Variants in EFHD1 observed in about 807,000 individuals in gnomAD.
The protein encoded by EFHD1 is EF-hand domain family member D1.
A neutral mutation model predicts 17.2 loss-of-function variants in EFHD1; 10 were observed. The ratio of observed to expected loss-of-function variants is 0.58; its 90% CI spans 0.36 to 0.99. The LOEUF is 0.99. Among genes scored for constraint, EFHD1 ranks in the 50% least tolerant of loss-of-function variants. EFHD1 has a pLI of 0.01. For synonymous variants in EFHD1, 153 were observed against 142.0 expected (o/e 1.08, Z -0.55); for missense variants, 310 against 327.5 (o/e 0.95, Z 0.41).
At chr2:232,663,336 G>A in intron 2 of EFHD1, among the ~76,000 whole-genome samples, 1 of 151,786 alleles carries the variant, frequency 6.6e-6, no homozygotes, top group East Asian at 1.9e-4. Context: ...CATAATAGTT[G>A]TACATATTTA....
chr2:232,638,546 C>T (rs143182852), intron 1 of EFHD1: 1 of 449,458 alleles, frequency 2.2e-6, no homozygotes, highest in East Asian at 7.0e-5. Flanking sequence ...TCTTTTTCTC[C>T]TCCTTAGTCT....
chr2:232,622,478 C>T (rs545903844), intron 1 of EFHD1, among the ~76,000 whole-genome samples: 2 of 50,818 alleles, frequency 3.9e-5, no homozygotes. Context: ...TCGCTGGGGG[C>T]GGGGGTGGGG....
rs779727956 is a variant in EFHD1 at position 232,633,913 on chromosome 2, C to G, written c.209C>G (p.Ala70Gly). The change falls in exon 1 of 4, where the codon GCG becomes GGG. Residue 70 changes from alanine to glycine, a missense_variant. Transcript: ENST00000264059. ...SRRLDINEGA[A>G]RPRRCRVFNP... is the part of the protein sequence containing the mutation. Reference sequence around the variant, plus strand: ...CGGCTGGACATCAACGAGGGCGCTGCGCGGCCCCGGCGCTGCAGGGTCTTC... The same window carrying G: ...CGGCTGGACATCAACGAGGGCGCTGGGCGGCCCCGGCGCTGCAGGGTCTTC... 1.1e-5 allele frequency: 17 copies of G among 1,584,340 alleles called. No individual in the cohort carries two copies. In the South Asian group the frequency reaches 1.8e-4, roughly 17 times the overall value.
At chr2:232,635,138 A>G (rs184896606) in intron 1 of EFHD1, among the ~76,000 whole-genome samples, 1 of 152,102 alleles carries the variant, frequency 6.6e-6, no homozygotes, top group Admixed American at 6.5e-5. Flanking sequence ...TTCTGGGTCT[A>G]GTTTGGGCAG....
At chr2:232,634,951 G>A (rs1694290101) in intron 1 of EFHD1, among the ~76,000 whole-genome samples, 1 of 152,162 alleles carries the variant, frequency 6.6e-6, no homozygotes, top group Non-Finnish European at 1.5e-5. Context: ...CATGGAATGT[G>A]TTTGCCCTCC....
chr2:232,627,035 T>TCTCTCTCTCC (rs1197995800), intron 1 of EFHD1, among the ~76,000 whole-genome samples: 3 of 61,676 alleles, frequency 4.9e-5, no homozygotes, highest in Admixed American at 1.8e-4. Flanking sequence ...TCTCTCTCTC[T>TCTCTCTCTCC]CTATATATAT....
intron 3 of EFHD1, among the ~76,000 whole-genome samples, chr2:232,674,625 A>G (rs1258176023): frequency 6.6e-6 from 1 of 152,204 alleles, no homozygotes; most frequent in Non-Finnish European, 1.5e-5. Flanking sequence ...CTCACCCAGA[A>G]TCAAAGGCAG....
At chr2:232,660,264 G>C (rs1296325405) in intron 1 of EFHD1, among the ~76,000 whole-genome samples, 1 of 151,400 alleles carries the variant, frequency 6.6e-6, no homozygotes, top group Non-Finnish European at 1.5e-5. Flanking sequence ...GCACGACCTC[G>C]GCTTACTGCA....
At chr2:232,617,084 G>A (rs1693938846) in intron 1 of EFHD1, among the ~76,000 whole-genome samples, 1 of 152,194 alleles carries the variant, frequency 6.6e-6, no homozygotes, top group Admixed American at 6.5e-5. Flanking sequence ...GCCCAAGGAC[G>A]GGCTCTTCGG....
rs1694899709 is a variant in EFHD1 at position 232,662,842 on chromosome 2, C to T, written c.343C>T (p.Leu115=). 2 of 1,588,346 alleles carry T rather than the reference C, an allele frequency of 1.3e-6. No individual in the cohort carries two copies. Among genetic ancestry groups the T allele is most frequent in the Non-Finnish European group, 1.7e-6 (2 of 1,169,110 alleles). The change falls in exon 2 of 4, where the codon CTG becomes TTG. Residue 115 remains leucine, a synonymous_variant. Transcript: ENST00000264059. ...GGATGGCTTCATCGACCTGATGGAGCTGAAGCTGATGATGGAGAAGCTGGG... is the reference window on the plus strand; with the variant it reads ...GGATGGCTTCATCGACCTGATGGAGTTGAAGCTGATGATGGAGAAGCTGGG... ...GRDGFIDLME[L]KLMMEKLGAP... is the part of the protein sequence containing the mutation.
chr2:232,647,795 C>T (rs1479577392), intron 1 of EFHD1, among the ~76,000 whole-genome samples: 1 of 152,136 alleles, frequency 6.6e-6, no homozygotes, highest in Non-Finnish European at 1.5e-5. Flanking sequence ...CACCACCACA[C>T]CCGGCTAATT....
intron 1 of EFHD1, among the ~76,000 whole-genome samples, chr2:232,619,455 C>T (rs375212161): frequency 2.0e-5 from 3 of 151,516 alleles, no homozygotes; most frequent in African/African-American, 7.3e-5. Context: ...GGATTACAGG[C>T]GCCTGACACC....
At chr2:232,625,563 T>C (rs529214015) in intron 1 of EFHD1, among the ~76,000 whole-genome samples, 15 of 152,022 alleles carry the variant, frequency 9.9e-5, no homozygotes, top group African/African-American at 3.6e-4. Flanking sequence ...TAACAAAATA[T>C]AGAAATGACC....
At chr2:232,671,252 T>C (rs1277927864) in intron 2 of EFHD1, among the ~76,000 whole-genome samples, 1 of 149,050 alleles carries the variant, frequency 6.7e-6, no homozygotes, top group South Asian at 2.1e-4. Flanking sequence ...CTGGGCAACG[T>C]AGAAGACCCT....
upstream of EFHD1, among the ~76,000 whole-genome samples, chr2:232,630,674 C>T (rs77676054): frequency 0.015 from 2,254 of 151,494 alleles, 67 homozygotes; most frequent in African/African-American, 0.052. Context: ...GGCTGGGCAC[C>T]GTGGCTCACC....
chr2:232,673,914 T>TC (rs1172733440), intron 3 of EFHD1, among the ~76,000 whole-genome samples: 10 of 148,978 alleles, frequency 6.7e-5, no homozygotes, highest in Non-Finnish European at 1.2e-4. Flanking sequence ...CTTCTTTTTT[T>TC]TTTTTTTTTT....
Position 232,634,024 on chromosome 2 carries a change from G to A in EFHD1, c.302+18G>A. 2 of 1,596,278 alleles carry A rather than the reference G, an allele frequency of 1.3e-6. No individual in the cohort carries two copies. The highest frequency in any genetic ancestry group is 1.1e-5 in the South Asian group (1 of 90,998). On this transcript the variant is annotated intron_variant, in intron 1 of 3. Coordinates refer to ENST00000264059, the MANE Select transcript of EFHD1 (RefSeq NM_025202.4). Reference sequence around the variant, plus strand: ...TTCAAACTGTGAGCTCCCGCTGCGCGCCCTTCGCCCCCGGGACCAGGGAGG... The same window carrying A: ...TTCAAACTGTGAGCTCCCGCTGCGCACCCTTCGCCCCCGGGACCAGGGAGG...
intron 2 of EFHD1, among the ~76,000 whole-genome samples, chr2:232,670,891 A>G (rs1695056018): frequency 6.6e-6 from 1 of 152,242 alleles, no homozygotes; most frequent in African/African-American, 2.4e-5. Flanking sequence ...AATCTAATGC[A>G]AAAATGAGAC....
chr2:232,659,490 T>C (rs986968011), intron 1 of EFHD1, among the ~76,000 whole-genome samples: 2 of 152,072 alleles, frequency 1.3e-5, no homozygotes, highest in African/African-American at 4.8e-5. Flanking sequence ...ATGGCACAAG[T>C]TGGCCACTGT....
Sources: allele counts gnomAD v4.1 joint callset (sites outside exome capture counted in the v4.1 genomes callset), GRCh38; gene constraint gnomAD v4.1.1; transcripts MANE v1.5; gene names NCBI Gene and HGNC (gene_info 2026-07-23, HGNC 2026-07-21).